Variants in PC observed in about 807,000 individuals in gnomAD.
PC encodes pyruvate carboxylase.
In PC, 46 loss-of-function variants were observed where a neutral mutation model predicts 107.8. That is an observed-to-expected ratio of 0.43 (90% CI 0.34 to 0.55). The LOEUF (loss-of-function observed/expected upper bound fraction) is 0.55, where lower values mean the gene tolerates loss of function less well. PC is among the 20% of genes least tolerant of loss of function. The probability of loss-of-function intolerance (pLI) is 0.04; values close to 1 mark genes in which losing one functional copy is unlikely to be tolerated. For synonymous variants in PC, 662 were observed against 684.7 expected (o/e 0.97, Z 0.52); for missense variants, 1,241 against 1,643.1 (o/e 0.76, Z 4.23).
intron 3 of PC, among the ~76,000 whole-genome samples, chr11:66,915,063 T>C (rs978938207): frequency 6.6e-6 from 1 of 150,762 alleles, no homozygotes; most frequent in East Asian, 2.0e-4. Flanking sequence ...AAAAAACTAG[T>C]GTCAGCAGGG....
intron 3 of PC, among the ~76,000 whole-genome samples, chr11:66,906,293 G>T (rs2136058911): frequency 6.6e-6 from 1 of 152,268 alleles, no homozygotes; most frequent in East Asian, 1.9e-4. Context: ...GTGCAGGAGA[G>T]AACAGGTCCC....
rs1591118129 is a variant in PC at position 66,850,920 on chromosome 11, T to C, written c.2227A>G (p.Met743Val). The C allele has an allele frequency of 2.5e-6, 4 of 1,608,756 alleles. No individual in the cohort carries two copies. Among genetic ancestry groups the C allele is most frequent in the Non-Finnish European group, 3.4e-6 (4 of 1,179,934 alleles). ...AGTHILCIKD[M>V]AGLLKPTACT... is the part of the protein sequence containing the mutation. ...GCCGTGGGCTTCAGCAGCCCGGCCA[T>C]GTCCTGGGGGAAGTGGGAGAGAGAG... Residue 743 changes from methionine (M) to valine (V), a missense_variant, in exon 18 of 23, where the codon ATG (methionine) becomes GTG (valine). By Grantham distance (21) the Met-to-Val change is conservative. Around this residue, in one of 2 missense-constraint regions of PC, gnomAD observed 1,143 missense variants for 1,551.9 expected, o/e 0.74. Coordinates refer to ENST00000393960, the MANE Select transcript of PC (RefSeq NM_001040716.2).
At chr11:66,905,388 A>G (rs914708626) in intron 3 of PC, among the ~76,000 whole-genome samples, 4 of 152,174 alleles carry the variant, frequency 2.6e-5, no homozygotes, top group Admixed American at 1.3e-4. Context: ...CCAAGGGCGG[A>G]CTCCAAGCTG....
chr11:66,858,325 A>T lies in PC; in HGVS notation c.1369-4942T>A. 6.2e-7 allele frequency: 1 copy of T among 1,606,828 alleles called. No homozygotes were observed. The highest frequency in any genetic ancestry group is 8.5e-7 in the Non-Finnish European group (1 of 1,178,384). On this transcript the variant is annotated intron_variant, in intron 12 of 22. Coordinates refer to ENST00000393960, the MANE Select transcript of PC (RefSeq NM_001040716.2). This position sits in a 1 kb window ranked among gnomAD's most constrained non-coding sequence, Gnocchi z 5.9. ...CCAGGCGCCTTCGCCCAGCTCGGTC[A>T]GCTCTCCCGCCTGGACCTCACCTCC... is the stretch of plus-strand genomic sequence containing the variant.
intron 11 of PC, among the ~76,000 whole-genome samples, chr11:66,865,850 C>T (rs996039565): frequency 3.9e-5 from 6 of 152,110 alleles, no homozygotes; most frequent in African/African-American, 1.2e-4. Flanking sequence ...GCTTGGGCTC[C>T]GTCGGCAGCC....
chr11:66,930,980 T>C (rs772925736), intron 3 of PC, among the ~76,000 whole-genome samples: 7 of 152,274 alleles, frequency 4.6e-5, no homozygotes, highest in East Asian at 1.9e-4. Context: ...TAGGATTCCA[T>C]GTCCAGGTGT....
At chr11:66,950,755 A>G in intron 3 of PC, among the ~76,000 whole-genome samples, 1 of 152,144 alleles carries the variant, frequency 6.6e-6, no homozygotes, top group East Asian at 1.9e-4. Context: ...AGAAGAATAA[A>G]CAATGGGATC....
chr11:66,911,973 TG>T (rs2136072640), intron 3 of PC, among the ~76,000 whole-genome samples: 1 of 150,932 alleles, frequency 6.6e-6, no homozygotes, highest in South Asian at 2.1e-4. Flanking sequence ...GCAGAGGTTG[TG>T]GTGAGCCAAA....
At chr11:66,892,531 T>A (rs1350461335) in intron 3 of PC, among the ~76,000 whole-genome samples, 1 of 152,156 alleles carries the variant, frequency 6.6e-6, no homozygotes, top group East Asian at 1.9e-4. Flanking sequence ...GCGAGCTGCA[T>A]CAGAGATGAG....
chr11:66,907,490 G>A lies in PC; in HGVS notation c.1-35331C>T, dbSNP rs77847808. ...TGCAGTGAGCCGAGATCATACCACC[G>A]CACTCCAGCCTGGATGACAAAGCGA... On this transcript the variant is annotated intron_variant, in intron 3 of 22. Coordinates refer to ENST00000393960, the MANE Select transcript of PC (RefSeq NM_001040716.2). Among the ~76,000 whole-genome samples, 1,437 of 152,220 alleles carry A rather than the reference G, an allele frequency of 9.4e-3. 114 individuals carry two copies. In the East Asian group the frequency reaches 0.2, roughly 21 times the overall value.
intron 3 of PC, chr11:66,907,857 A>G (rs1948214568): frequency 6.6e-6 from 1 of 152,338 alleles, no homozygotes. Flanking sequence ...GAGAGGCCAC[A>G]CTGTTCCTGT....
intron 3 of PC, among the ~76,000 whole-genome samples, chr11:66,924,215 A>G (rs1296044556): frequency 3.3e-5 from 5 of 150,682 alleles, no homozygotes; most frequent in African/African-American, 4.9e-5. Flanking sequence ...AAAAAAAAAA[A>G]AAAGAAAGAA....
At chr11:66,903,791 TACACACACCC>T (rs1248568346) in intron 3 of PC, among the ~76,000 whole-genome samples, 10 of 120,466 alleles carry the variant, frequency 8.3e-5, no homozygotes, top group African/African-American at 1.6e-4. Flanking sequence ...TATATATATA[TACACACACCC>T]ACACACACCC....
At chr11:66,876,190 G>A (rs972696068) in intron 3 of PC, among the ~76,000 whole-genome samples, 1 of 152,182 alleles carries the variant, frequency 6.6e-6, no homozygotes, top group Non-Finnish European at 1.5e-5. Flanking sequence ...TTTGAAAGAG[G>A]ATTGCGTTGA....
intron 3 of PC, among the ~76,000 whole-genome samples, chr11:66,887,343 A>G (rs1947408418): frequency 6.6e-6 from 1 of 152,192 alleles, no homozygotes; most frequent in Non-Finnish European, 1.5e-5. Flanking sequence ...GATTTTTAAA[A>G]AACAGGAACA....
At position 66,858,911 on chromosome 11, in the gene PC, C is replaced by T. The variant is rs149152305; in HGVS notation, c.1368+4863G>A. On this transcript the variant is annotated intron_variant, in intron 12 of 22. Coordinates refer to ENST00000393960, the MANE Select transcript of PC (RefSeq NM_001040716.2). This position sits in a 1 kb window ranked among gnomAD's most constrained non-coding sequence, Gnocchi z 5.9. ...GGGGCCGCCCCGGGCCCTCGGACATCGCCGCCTCCGCTCGCACTGCTGCCG... is the reference window on the plus strand; with the variant it reads ...GGGGCCGCCCCGGGCCCTCGGACATTGCCGCCTCCGCTCGCACTGCTGCCG... The T allele has an allele frequency of 1.6e-3, 2,519 of 1,565,434 alleles. 37 individuals are homozygous for T. The African/African-American group carries it at 0.03, about 19-fold the overall frequency.
chr11:66,858,776 G>A lies in PC; in HGVS notation c.1368+4998C>T, dbSNP rs1371766249. 7 of 1,550,176 alleles carry A rather than the reference G, an allele frequency of 4.5e-6. No homozygotes were observed. In the South Asian group the frequency reaches 8.3e-5, roughly 18 times the overall value. On this transcript the variant is annotated intron_variant, in intron 12 of 22. Transcript: ENST00000393960. This position sits in a 1 kb window ranked among gnomAD's most constrained non-coding sequence, Gnocchi z 5.9. ...TAGAGATTGGGGTGACCGGCGCTGG[G>A]GACGCTGGGGGCTACACCTGCATCG...
At chr11:66,909,916 G>A (rs1948285683) in intron 3 of PC, among the ~76,000 whole-genome samples, 1 of 152,100 alleles carries the variant, frequency 6.6e-6, no homozygotes, top group South Asian at 2.1e-4. Context: ...CCGGGTATGA[G>A]CAGAAGGGGA....
intron 12 of PC, chr11:66,860,522 A>C (rs983720806): frequency 4.3e-6 from 3 of 699,004 alleles, no homozygotes; most frequent in African/African-American, 3.6e-5. Context: ...AGACGGGAGG[A>C]CAGGACACGG....
Sources: gnomAD v4.1 joint callset for allele counts (sites outside exome capture counted in the v4.1 genomes callset) on GRCh38, gnomAD v4.1.1 for gene constraint, gnomAD v4.1.1 regional missense constraint, Gnocchi (gnomAD v3.1) non-coding constraint, MANE v1.5 for transcripts, NCBI Gene and HGNC (gene_info 2026-07-23, HGNC 2026-07-21) for gene names.